The following ALG9 variants were observed in gnomAD, a reference collection of about 807,000 sequenced individuals.
ALG9 encodes the protein ALG9 alpha-1,2-mannosyltransferase, also known as alpha-1,2-mannosyltransferase ALG9.
A neutral mutation model predicts 81.8 loss-of-function variants in ALG9; 55 were observed. That is an observed-to-expected ratio of 0.67 (90% CI 0.54 to 0.84). The LOEUF is 0.84. Ranked by LOEUF, ALG9 falls within the 40% of genes least tolerant of loss-of-function variation. ALG9 has a pLI of 0.00. For missense variants in ALG9, 629 were observed against 745.0 expected (o/e 0.84, Z 1.81); for synonymous variants, 278 against 274.3 (o/e 1.01, Z -0.13).
rs964566513 is a variant in ALG9 at position 111,839,299 on chromosome 11, A to G, written c.1174-900T>C. On this transcript the variant is annotated intron_variant, in intron 10 of 14. Transcript: ENST00000616540. ...TACAATATTAAATTAAAAGGGATAT[A>G]AAGTGGCTGGGTGCGGTGGCTCACG... is the stretch of plus-strand genomic sequence containing the variant. Among the ~76,000 whole-genome samples, 5 of 152,250 alleles carry G rather than the reference A, an allele frequency of 3.3e-5. No individual in the cohort carries two copies. The East Asian group carries it at 9.7e-4, about 29-fold the overall frequency.
At chr11:111,871,035 A>ACAG in intron 1 of ALG9, 7 of 1,081,540 alleles carry the variant, frequency 6.5e-6, no homozygotes, top group Non-Finnish European at 7.8e-6. Flanking sequence ...GCTGTGAGGA[A>ACAG]CAGCCGTAAA....
chr11:111,791,892 G>C (rs1947477445), intron 14 of ALG9, among the ~76,000 whole-genome samples: 1 of 152,244 alleles, frequency 6.6e-6, no homozygotes. Flanking sequence ...AGGAGTTCGA[G>C]ACCAGTCTGG....
chr11:111,791,887 T>C (rs11826541), intron 14 of ALG9, among the ~76,000 whole-genome samples: 5,326 of 152,230 alleles, frequency 0.035, 306 homozygotes, highest in African/African-American at 0.12. Context: ...AGGTCAGGAG[T>C]TCGAGACCAG....
intron 5 of ALG9, among the ~76,000 whole-genome samples, chr11:111,859,325 A>G (rs1326864733): frequency 6.6e-6 from 1 of 152,080 alleles, no homozygotes; most frequent in Admixed American, 6.5e-5. Flanking sequence ...AACATGGTGA[A>G]ACCCCATCTC....
At position 111,837,482 on chromosome 11, in the gene ALG9, G is replaced by A. The variant is rs1555118575; in HGVS notation, c.1458C>T (p.Phe486=). 2 of 1,614,116 alleles carry A rather than the reference G, an allele frequency of 1.2e-6. No individual in the cohort carries two copies. Among genetic ancestry groups the A allele is most frequent in the East Asian group, 2.2e-5 (1 of 44,894 alleles). Residue 486 remains phenylalanine, a synonymous_variant, in exon 12 of 15, where the codon TTC becomes TTT. Transcript: ENST00000616540. ...GGACAACTTACTTGTCAGGAAGAAG[G>A]AAGCTGCTGGGAAATCGATACCACT... ...GKEWYRFPSS[F]LLPDNWQLQF...
intron 14 of ALG9, among the ~76,000 whole-genome samples, chr11:111,806,733 G>T (rs1555085651): frequency 6.6e-6 from 1 of 152,066 alleles, no homozygotes; most frequent in African/African-American, 2.4e-5. Flanking sequence ...CTTCCCCCTT[G>T]AACTCTAGAC....
At chr11:111,801,009 A>G (rs1949045478) in intron 14 of ALG9, among the ~76,000 whole-genome samples, 1 of 152,088 alleles carries the variant, frequency 6.6e-6, no homozygotes, top group South Asian at 2.1e-4. Context: ...GCCTATTAAA[A>G]CCTTTTTCTT....
the ALG9 span, among the ~76,000 whole-genome samples, chr11:111,775,372 C>T: frequency 6.6e-6 from 1 of 152,270 alleles, no homozygotes; most frequent in East Asian, 1.9e-4. Flanking sequence ...AGTCACATTT[C>T]GGCAGAAATC....
chr11:111,810,043 GCCACCA>G (rs1555089755), intron 13 of ALG9, among the ~76,000 whole-genome samples: 1 of 152,064 alleles, frequency 6.6e-6, no homozygotes, highest in Admixed American at 6.6e-5. Context: ...CACTTCCAAA[GCCACCA>G]TGAGCCCACA....
intron 14 of ALG9, among the ~76,000 whole-genome samples, chr11:111,790,267 T>C (rs1947199877): frequency 6.6e-6 from 1 of 151,162 alleles, no homozygotes; most frequent in East Asian, 2.0e-4. Flanking sequence ...ATGGAGCTTG[T>C]AGTAAACCAA....
At chr11:111,850,118 T>C (rs1237805056) in intron 8 of ALG9, among the ~76,000 whole-genome samples, 1 of 152,218 alleles carries the variant, frequency 6.6e-6, no homozygotes, top group Non-Finnish European at 1.5e-5. Flanking sequence ...CTGACAATCA[T>C]GAAGTACTTT....
At chr11:111,777,419 T>A (rs1945733460), downstream of ALG9, among the ~76,000 whole-genome samples, 1 of 152,168 alleles carries the variant, frequency 6.6e-6, no homozygotes, top group South Asian at 2.1e-4. Context: ...TGACATGAAC[T>A]AAATTGCTGG....
chr11:111,811,847 T>C (rs1555091731), intron 13 of ALG9, among the ~76,000 whole-genome samples: 1 of 152,174 alleles, frequency 6.6e-6, no homozygotes, highest in African/African-American at 2.4e-5. Flanking sequence ...GAGTGGCTGC[T>C]TAATGGATAT....
chr11:111,787,218 G>A (rs1273355374), intron 14 of ALG9, among the ~76,000 whole-genome samples: 1 of 152,014 alleles, frequency 6.6e-6, no homozygotes, highest in Non-Finnish European at 1.5e-5. Flanking sequence ...ATCATTTGAG[G>A]TCAGGAGTTC....
At chr11:111,871,244 G>C (rs1179205514) in intron 1 of ALG9, 108 bp downstream of exon 1, 18 of 1,315,474 alleles carry the variant, frequency 1.4e-5, no homozygotes, top group Non-Finnish European at 1.6e-5. Context: ...GCCTCCCGCG[G>C]TGAGGCCAGG....
chr11:111,800,467 C>T (rs602880), intron 14 of ALG9, among the ~76,000 whole-genome samples: 5,599 of 151,816 alleles, frequency 0.037, 360 homozygotes, highest in African/African-American at 0.13. Context: ...GGTGACAGAG[C>T]GAGACTCCGT....
chr11:111,815,914 C>T (rs908031430), intron 13 of ALG9, among the ~76,000 whole-genome samples: 1 of 152,180 alleles, frequency 6.6e-6, no homozygotes, highest in Non-Finnish European at 1.5e-5. Context: ...AATAAATTAT[C>T]CTTGTTTCAA....
chr11:111,853,580 T>C, intron 7 of ALG9, 69 bp downstream of exon 7: 1 of 1,570,408 alleles, frequency 6.4e-7, no homozygotes, highest in Non-Finnish European at 8.8e-7. Flanking sequence ...ACTCCTGATG[T>C]TCCTTTTTTC....
intron 14 of ALG9, among the ~76,000 whole-genome samples, chr11:111,801,512 G>A (rs934635668): frequency 6.6e-6 from 1 of 152,142 alleles, no homozygotes; most frequent in African/African-American, 2.4e-5. Context: ...GAATGTAAAC[G>A]GACTTTCATA....
Sources: allele counts gnomAD v4.1 joint callset (sites outside exome capture counted in the v4.1 genomes callset), GRCh38; gene constraint gnomAD v4.1.1; transcripts MANE v1.5; gene names NCBI Gene and HGNC (gene_info 2026-07-23, HGNC 2026-07-21).